The following SNX15 variants were observed in gnomAD, a reference collection of about 807,000 sequenced individuals.
The protein encoded by SNX15 is sorting nexin-15.
In SNX15, 29 loss-of-function variants were observed where a neutral mutation model predicts 35.2. The ratio of observed to expected loss-of-function variants is 0.82; its 90% CI spans 0.61 to 1.12. The LOEUF (loss-of-function observed/expected upper bound fraction) is 1.12. SNX15 is among the 50% of genes most tolerant of loss of function. The probability of loss-of-function intolerance (pLI) is 0.00; values close to 1 mark genes in which losing one functional copy is unlikely to be tolerated. For synonymous variants in SNX15, 189 were observed against 188.2 expected (o/e 1.00, Z -0.03); for missense variants, 400 against 451.5 (o/e 0.89, Z 1.03).
intron 3 of SNX15, among the ~76,000 whole-genome samples, chr11:65,033,524 A>G (rs1946464335): frequency 7.0e-6 from 1 of 142,008 alleles, no homozygotes; most frequent in Admixed American, 7.2e-5. Flanking sequence ...AGCCCAGGCG[A>G]CAGAGTGAGA....
chr11:65,034,294 A>C (rs185698167), intron 3 of SNX15, among the ~76,000 whole-genome samples: 1 of 152,248 alleles, frequency 6.6e-6, no homozygotes, highest in Non-Finnish European at 1.5e-5. Context: ...GATTGTGTGC[A>C]CCTATAGTCC....
intron 4 of SNX15, 31 bp from the exon 5 acceptor site, chr11:65,035,028 A>G: frequency 6.2e-7 from 1 of 1,613,148 alleles, no homozygotes; most frequent in Non-Finnish European, 8.5e-7. Context: ...GCACCCCATG[A>G]CTCCCCATGT....
chr11:65,027,510 G>T lies in SNX15; in HGVS notation c.-28G>T. On this transcript the variant is annotated 5_prime_UTR_variant, in exon 1 of 8. Coordinates refer to ENST00000377244, the MANE Select transcript of SNX15 (RefSeq NM_013306.5). ...GGGGACGGCGAGGAGGTGGAGGCCG[G>T]CGCTCCGCTCCGCTCCAGCTCGGTT... is the stretch of plus-strand genomic sequence containing the variant. The T allele has an allele frequency of 6.3e-7, 1 of 1,599,254 alleles. No individual in the cohort carries two copies. The highest frequency in any genetic ancestry group is 8.6e-7 in the Non-Finnish European group (1 of 1,167,258).
chr11:65,028,184 C>T (rs988418106), intron 1 of SNX15, among the ~76,000 whole-genome samples: 2 of 152,056 alleles, frequency 1.3e-5, no homozygotes, highest in African/African-American at 2.4e-5. Context: ...GCGATAACAA[C>T]ATCATAAGCA....
At chr11:65,031,487 T>C (rs996973117) in intron 1 of SNX15, among the ~76,000 whole-genome samples, 5 of 152,276 alleles carry the variant, frequency 3.3e-5, no homozygotes, top group Non-Finnish European at 7.3e-5. Flanking sequence ...TCCAGGGCGC[T>C]GAAGCGCAGG....
chr11:65,035,724 G>A, intron 6 of SNX15, 61 bp downstream of exon 6: 2 of 1,536,188 alleles, frequency 1.3e-6, no homozygotes, highest in South Asian at 2.5e-5. Flanking sequence ...CAGGGAGGAG[G>A]GCAGAGCCCC....
chr11:65,034,840 G>T lies in SNX15; in HGVS notation c.257-7G>T, dbSNP rs755205463. On this transcript the variant is annotated splice_polypyrimidine_tract_variant and splice_region_variant and intron_variant, in intron 3 of 7. Transcript: ENST00000377244. ...CTCTCCCCTGTTCCTTGTCCTGGGG[G>T]CCGTAGGCCGGTTTGAAGCCTCAGT... The T allele has an allele frequency of 1.2e-6, 2 of 1,611,586 alleles. No homozygotes were observed. Among genetic ancestry groups the T allele is most frequent in the South Asian group, 1.1e-5 (1 of 91,004 alleles).
At chr11:65,033,849 A>C (rs1236727350) in intron 3 of SNX15, among the ~76,000 whole-genome samples, 9 of 151,908 alleles carry the variant, frequency 5.9e-5, no homozygotes, top group Non-Finnish European at 1.5e-5. Context: ...TAGCCACCCA[A>C]GTAGTGTGCG....
rs1231823823 is a variant in SNX15 at position 65,038,712 on chromosome 11, C to G, written c.805C>G (p.Leu269Val). 2 of 1,606,592 alleles carry G rather than the reference C, an allele frequency of 1.2e-6. No individual in the cohort carries two copies. The highest frequency in any genetic ancestry group is 1.7e-6 in the Non-Finnish European group (2 of 1,176,876). The change falls in exon 7 of 8, where the codon CTA becomes GTA. Residue 269 changes from leucine to valine, a missense_variant. Transcript: ENST00000377244. Reference sequence around the variant, plus strand: ...GGAAGGAGGGCCCACCCCTGCCTACCTAAGCCAGGCCACAGAGCTCATCAC... The same window carrying G: ...GGAAGGAGGGCCCACCCCTGCCTACGTAAGCCAGGCCACAGAGCTCATCAC... ...DGEGGPTPAY[L>V]SQATELITQA...
chr11:65,031,641 C>T (rs920717606), intron 1 of SNX15, among the ~76,000 whole-genome samples: 17 of 152,342 alleles, frequency 1.1e-4, no homozygotes, highest in African/African-American at 2.9e-4. Flanking sequence ...CGGGTGCTCA[C>T]GCCTGTAATC....
At chr11:65,034,990 C>T (rs1464314964) in intron 4 of SNX15, 28 bp downstream of exon 4, 1 of 1,613,106 alleles carries the variant, frequency 6.2e-7, no homozygotes, top group Non-Finnish European at 8.5e-7. Context: ...CTTCCCAGAA[C>T]TTGGGCCACT....
At position 65,035,626 on chromosome 11, in the gene SNX15, G is replaced by A. The variant is rs772701540; in HGVS notation, c.627G>A (p.Glu209=). Residue 209 remains glutamate, a synonymous_variant, in exon 6 of 8, where the codon GAG becomes GAA. Transcript: ENST00000377244. ...SGSPARGPLT[E]AELALFDPFS... is the part of the protein sequence containing the mutation. Reference sequence around the variant, plus strand: ...CCCCTGCCCGAGGCCCCCTCACCGAGGCTGAGCTTGCCCTCTTCGACCCCT... The same window carrying A: ...CCCCTGCCCGAGGCCCCCTCACCGAAGCTGAGCTTGCCCTCTTCGACCCCT... 3.1e-6 allele frequency: 5 copies of A among 1,613,466 alleles called. No individual in the cohort carries two copies. The highest frequency in any genetic ancestry group is 1.1e-5 in the South Asian group (1 of 91,010).
chr11:65,033,283 A>C (rs1222686347), intron 3 of SNX15, among the ~76,000 whole-genome samples: 1 of 151,028 alleles, frequency 6.6e-6, no homozygotes, highest in Admixed American at 6.6e-5. Context: ...GATGGCTCAC[A>C]CCTGTAATCC....
At chr11:65,035,797 G>C in intron 6 of SNX15, 134 bp downstream of exon 6, 1 of 881,686 alleles carries the variant, frequency 1.1e-6, no homozygotes, top group East Asian at 2.8e-5. Flanking sequence ...GCTGCCCTGT[G>C]GGCCAATAGC....
intron 6 of SNX15, 26 bp downstream of exon 6, chr11:65,035,689 G>A (rs776595593): frequency 6.3e-7 from 1 of 1,582,166 alleles, no homozygotes; most frequent in Non-Finnish European, 8.6e-7. Flanking sequence ...AGCCGGGAAG[G>A]AGCCAGGGCA....
At chr11:65,033,146 G>A (rs1171034920) in intron 3 of SNX15, among the ~76,000 whole-genome samples, 1 of 151,382 alleles carries the variant, frequency 6.6e-6, no homozygotes, top group African/African-American at 2.4e-5. Context: ...AAAGTGCTGG[G>A]ATTACAGGCG....
chr11:65,028,298 C>T (rs1388567360), intron 1 of SNX15, among the ~76,000 whole-genome samples: 2 of 152,112 alleles, frequency 1.3e-5, no homozygotes, highest in Non-Finnish European at 2.9e-5. Flanking sequence ...CAAGGAAGGT[C>T]CCCAGGGAGA....
rs537088102 is a variant in SNX15, at chr11:65,032,625, G to A, written c.256+74G>A. 241 of 1,587,100 alleles carry A rather than the reference G, an allele frequency of 1.5e-4. No individual in the cohort carries two copies. The Middle Eastern group carries it at 2.0e-3, about 13-fold the overall frequency. On this transcript the variant is annotated intron_variant, in intron 3 of 7. Transcript: ENST00000377244. ...GCAAAAGGGGACCTCCGCCAGTGGG[G>A]GCTGGATAGAGAGGGCCTGAAACCC...
Position 65,034,903 on chromosome 11 carries a change from C to G in SNX15, c.313C>G (p.Arg105Gly), listed in dbSNP as rs780773876. The change falls in exon 4 of 8, where the codon CGC (arginine) becomes GGC (glycine). Residue 105 changes from arginine (R) to glycine (G), a missense_variant. Transcript: ENST00000377244. The stretch of plus-strand genomic sequence containing the variant: ...GCGAAAGGGGGCAGAGGACCTGCTT[C>G]GCTTCACTGTGCACATACCTGCGCT... ...ERRKGAEDLLRFTVHIPALNN... is the reference protein window; with the variant it reads ...ERRKGAEDLLGFTVHIPALNN... 2.5e-6 allele frequency: 4 copies of G among 1,613,964 alleles called. No individual in the cohort carries two copies. In the African/African-American group the frequency reaches 5.3e-5, roughly 22 times the overall value.
Sources: gnomAD v4.1 joint callset for allele counts (sites outside exome capture counted in the v4.1 genomes callset) on GRCh38, gnomAD v4.1.1 for gene constraint, MANE v1.5 for transcripts, NCBI Gene and HGNC (gene_info 2026-07-23, HGNC 2026-07-21) for gene names.